The following GMDS variants were observed in gnomAD, a reference collection of about 807,000 sequenced individuals.
GMDS encodes GDP-mannose 4,6 dehydratase.
GMDS carries 20 observed loss-of-function variants against 49.9 expected under a neutral mutation model. That is an observed-to-expected ratio of 0.40 (90% confidence interval 0.28 to 0.58). GMDS has a LOEUF of 0.58. Ranked by LOEUF, GMDS falls within the 20% of genes least tolerant of loss-of-function variation. GMDS has a pLI of 0.42. For synonymous variants in GMDS, 177 were observed against 178.6 expected (o/e 0.99, Z 0.07); for missense variants, 362 against 481.4 (o/e 0.75, Z 2.32).
chr6:1,882,392 T>C (rs957944595), intron 7 of GMDS, among the ~76,000 whole-genome samples: 3 of 152,240 alleles, frequency 2.0e-5, no homozygotes, highest in Non-Finnish European at 2.9e-5. Context: ...TATGCGTGTG[T>C]GTACATAAGT....
At chr6:2,201,634 C>G (rs1483807252) in intron 1 of GMDS, among the ~76,000 whole-genome samples, 1 of 128,746 alleles carries the variant, frequency 7.8e-6, no homozygotes, top group South Asian at 3.0e-4. Flanking sequence ...GAGATGAAAC[C>G]ATCTAGGCAG....
chr6:1,820,247 T>C (rs1303509876), intron 7 of GMDS, among the ~76,000 whole-genome samples: 1 of 152,122 alleles, frequency 6.6e-6, no homozygotes, highest in Non-Finnish European at 1.5e-5. Flanking sequence ...AATTTTATTA[T>C]GAAAAAATAA....
chr6:2,142,182 T>A (rs1260275651), intron 1 of GMDS, among the ~76,000 whole-genome samples: 1 of 152,178 alleles, frequency 6.6e-6, no homozygotes, highest in Non-Finnish European at 1.5e-5. Context: ...AAAGAGCAGG[T>A]TCCTGTTCAT....
In GMDS at chr6:2,002,047, G is replaced by C. The variant is rs141197760; in HGVS notation, c.346-41081C>G. Among the ~76,000 whole-genome samples the C allele has an allele frequency of 8.1e-3, 1,240 of 152,170 alleles. 16 individuals carry two copies. Among genetic ancestry groups the C allele is most frequent in the African/African-American group, 0.029 (1,188 of 41,506 alleles). On this transcript the variant is annotated intron_variant, in intron 4 of 10. Coordinates refer to ENST00000380815, the MANE Select transcript of GMDS (RefSeq NM_001500.4). ...ACTCTCAGATGGTTTCCAAGTAGAA[G>C]TGCATAGGTGCTGAATAATCACAAT...
At chr6:1,749,055 C>T (rs952784136) in intron 7 of GMDS, among the ~76,000 whole-genome samples, 2 of 152,142 alleles carry the variant, frequency 1.3e-5, no homozygotes, top group African/African-American at 4.8e-5. Context: ...CTGAGGACAG[C>T]CTGCAGCTTT....
At position 1,813,885 on chromosome 6, in the gene GMDS, G is replaced by T. The variant is rs536155061; in HGVS notation, c.772-71299C>A. Among the ~76,000 whole-genome samples the T allele has an allele frequency of 3.9e-5, 6 of 152,216 alleles. 1 individual carries two copies. Among genetic ancestry groups the T allele is most frequent in the Admixed American group, 3.9e-4 (6 of 15,284 alleles). ...AATCAGAGAATAGATTCCATGCATT[G>T]CTTAACATAAACAGTAATATTCGGG... On this transcript the variant is annotated intron_variant, in intron 7 of 10. Coordinates refer to ENST00000380815, the MANE Select transcript of GMDS (RefSeq NM_001500.4).
chr6:1,655,488 C>T (rs1470351900), intron 9 of GMDS, among the ~76,000 whole-genome samples: 1 of 111,600 alleles, frequency 9.0e-6, no homozygotes, highest in African/African-American at 4.3e-5. Context: ...CACACACACA[C>T]ACACACATAC....
intron 7 of GMDS, among the ~76,000 whole-genome samples, chr6:1,915,544 C>T (rs1006814187): frequency 1.3e-5 from 2 of 152,202 alleles, no homozygotes; most frequent in Non-Finnish European, 2.9e-5. Flanking sequence ...CAGACAGCGG[C>T]CTTTATTCCA....
intron 7 of GMDS, among the ~76,000 whole-genome samples, chr6:1,826,638 C>CA (rs997311637): frequency 4.6e-5 from 7 of 152,190 alleles, no homozygotes; most frequent in African/African-American, 1.7e-4. Context: ...TACCTGATTG[C>CA]ATTTTCAATT....
intron 9 of GMDS, among the ~76,000 whole-genome samples, chr6:1,643,116 C>T (rs1763383336): frequency 6.6e-6 from 1 of 152,180 alleles, no homozygotes; most frequent in African/African-American, 2.4e-5. Context: ...TGGTGATTCT[C>T]AACACATCCT....
At chr6:2,178,295 G>A (rs112322597) in intron 1 of GMDS, among the ~76,000 whole-genome samples, 1 of 152,184 alleles carries the variant, frequency 6.6e-6, no homozygotes, top group Admixed American at 6.5e-5. Flanking sequence ...GAAGCATGAT[G>A]CTGGCATCTG....
chr6:1,888,883 C>G (rs1037191407), intron 7 of GMDS, among the ~76,000 whole-genome samples: 5 of 152,140 alleles, frequency 3.3e-5, no homozygotes, highest in African/African-American at 1.2e-4. Flanking sequence ...CTGAAATCAG[C>G]TGGGTGGTCA....
intron 1 of GMDS, among the ~76,000 whole-genome samples, chr6:2,167,340 T>C (rs1469036185): frequency 6.6e-6 from 1 of 152,138 alleles, no homozygotes; most frequent in East Asian, 1.9e-4. Flanking sequence ...ATTTTCTTTG[T>C]TTTATCTATA....
intron 6 of GMDS, among the ~76,000 whole-genome samples, chr6:1,955,246 T>A (rs1763566534): frequency 6.6e-6 from 1 of 152,204 alleles, no homozygotes; most frequent in South Asian, 2.1e-4. Context: ...TGTGACTTTT[T>A]AATTATAATA....
At chr6:2,154,863 C>CAAAAAAAA (rs70992124) in intron 1 of GMDS, among the ~76,000 whole-genome samples, 29 of 65,608 alleles carry the variant, frequency 4.4e-4, no homozygotes, top group South Asian at 8.5e-4. Context: ...TGAAGAGATG[C>CAAAAAAAA]AAAAAAAAAA....
chr6:2,194,367 A>T (rs1779190154), intron 1 of GMDS, among the ~76,000 whole-genome samples: 1 of 152,250 alleles, frequency 6.6e-6, no homozygotes, highest in South Asian at 2.1e-4. Context: ...GAGTGAAGAA[A>T]GTTGGGGAAA....
chr6:1,722,628 T>G (rs543364388), intron 9 of GMDS, among the ~76,000 whole-genome samples: 7 of 152,300 alleles, frequency 4.6e-5, no homozygotes, highest in Non-Finnish European at 5.9e-5. Flanking sequence ...CTATTATTAA[T>G]CTTATTTTTA....
Position 1,681,993 on chromosome 6 carries a change from C to CT in GMDS, c.987+44422dup, listed in dbSNP as rs533083176. Among the ~76,000 whole-genome samples the CT allele has an allele frequency of 9.1e-4, 133 of 146,552 alleles. No homozygotes were observed. The South Asian group carries it at 0.011, about 12-fold the overall frequency. ...TACAGGCGTGAACCACTGTGCCTGGCTTTTTTTTTTTCTTAATATGGAAAG... is the reference window on the plus strand; with the variant it reads ...TACAGGCGTGAACCACTGTGCCTGGCTTTTTTTTTTTTCTTAATATGGAAAG... On this transcript the variant is annotated intron_variant, in intron 9 of 10. Coordinates refer to ENST00000380815, the MANE Select transcript of GMDS (RefSeq NM_001500.4).
chr6:1,793,545 T>C (rs1769625567), intron 7 of GMDS, among the ~76,000 whole-genome samples: 1 of 152,176 alleles, frequency 6.6e-6, no homozygotes, highest in South Asian at 2.1e-4. Context: ...TGTCATCAAC[T>C]CCAGGACACC....
Sources: gnomAD v4.1 joint callset for allele counts (sites outside exome capture counted in the v4.1 genomes callset) on GRCh38, gnomAD v4.1.1 for gene constraint, MANE v1.5 for transcripts, NCBI Gene and HGNC (gene_info 2026-07-23, HGNC 2026-07-21) for gene names.